The following LRMDA variants were observed in gnomAD, a reference collection of about 807,000 sequenced individuals.
LRMDA encodes leucine rich melanocyte differentiation associated.
In LRMDA, 18 loss-of-function variants were observed where a neutral mutation model predicts 29.8. The observed-to-expected ratio is 0.60, with a 90% CI of 0.42 to 0.90. LRMDA has a LOEUF of 0.90. Among genes scored for constraint, LRMDA ranks in the 40% least tolerant of loss-of-function variants. The pLI is 0.00. For synonymous variants in LRMDA, 125 were observed against 109.4 expected (o/e 1.14, Z -0.89); for missense variants, 273 against 273.9 (o/e 1.00, Z 0.02).
At position 75,637,129 on chromosome 10, in the gene LRMDA, T is replaced by G. The variant is rs140232108; in HGVS notation, c.131+198635T>G. ...GTGGAGATTTGAACTTGGGTCTCTCTGACTTTGAAGCTTGTAAGGTTAACT... is the reference window on the plus strand; with the variant it reads ...GTGGAGATTTGAACTTGGGTCTCTCGGACTTTGAAGCTTGTAAGGTTAACT... On this transcript the variant is annotated intron_variant, in intron 2 of 6. Coordinates refer to ENST00000611255, the MANE Select transcript of LRMDA (RefSeq NM_001305581.2). Among the ~76,000 whole-genome samples the G allele has an allele frequency of 1.4e-4, 21 of 152,346 alleles. 1 individual carries two copies. The highest frequency in any genetic ancestry group is 5.1e-4 in the African/African-American group (21 of 41,584).
intron 2 of LRMDA, among the ~76,000 whole-genome samples, chr10:75,928,892 C>G (rs561993067): frequency 6.6e-6 from 1 of 152,288 alleles, no homozygotes; most frequent in East Asian, 1.9e-4. Context: ...ATACCCACCC[C>G]ACTCAGACAG....
At chr10:75,621,628 G>T (rs1318714284) in intron 2 of LRMDA, among the ~76,000 whole-genome samples, 2 of 152,184 alleles carry the variant, frequency 1.3e-5, no homozygotes, top group East Asian at 1.9e-4. Flanking sequence ...GTGGAAACAG[G>T]TCTGTGGGGA....
In LRMDA at chr10:76,302,048, C is replaced by A. The variant is rs1840488003; in HGVS notation, c.517-22353C>A. ...ATTTTTAGCCCCTCAGTTTTGAGGA[C>A]AGAATCTCTGTGGCGTTGTCTGATG... On this transcript the variant is annotated intron_variant, in intron 5 of 6. Coordinates refer to ENST00000611255, the MANE Select transcript of LRMDA (RefSeq NM_001305581.2). 2.0e-5 allele frequency among the ~76,000 whole-genome samples: 3 copies of A among 152,118 alleles called. No homozygotes were observed. The South Asian group carries it at 6.2e-4, about 31-fold the overall frequency.
chr10:75,604,110 C>A (rs1311744902), intron 2 of LRMDA, among the ~76,000 whole-genome samples: 2 of 152,074 alleles, frequency 1.3e-5, no homozygotes, highest in East Asian at 1.9e-4. Context: ...CCCCAATGTG[C>A]CTTTAATCTT....
chr10:75,523,597 CT>C (rs1330376740), intron 2 of LRMDA, among the ~76,000 whole-genome samples: 1 of 152,108 alleles, frequency 6.6e-6, no homozygotes, highest in Non-Finnish European at 1.5e-5. Context: ...ACAGAAATGG[CT>C]ATTTAATTTA....
At chr10:76,508,411 A>T (rs1322477567) in intron 6 of LRMDA, among the ~76,000 whole-genome samples, 3 of 152,146 alleles carry the variant, frequency 2.0e-5, no homozygotes, top group Non-Finnish European at 4.4e-5. Context: ...ATTTCTCCAA[A>T]TACTGCTGTG....
At chr10:75,806,844 C>T (rs1843863187) in intron 2 of LRMDA, among the ~76,000 whole-genome samples, 1 of 150,900 alleles carries the variant, frequency 6.6e-6, no homozygotes, top group Admixed American at 6.6e-5. Flanking sequence ...ACAAAAAAAC[C>T]TACCTTGGGA....
intron 2 of LRMDA, chr10:75,451,041 G>T (rs1398193513): frequency 1.3e-5 from 2 of 152,202 alleles, no homozygotes; most frequent in African/African-American, 4.8e-5. Flanking sequence ...AGGTGCTTTT[G>T]TTTCAAACTT....
intron 6 of LRMDA, among the ~76,000 whole-genome samples, chr10:76,490,328 G>A (rs1019744096): frequency 6.6e-6 from 1 of 151,738 alleles, no homozygotes; most frequent in African/African-American, 2.4e-5. Context: ...GTGTTTCTTT[G>A]TTATTTTTTT....
At chr10:76,034,591 G>A (rs1848209338) in intron 2 of LRMDA, among the ~76,000 whole-genome samples, 1 of 152,078 alleles carries the variant, frequency 6.6e-6, no homozygotes, top group Non-Finnish European at 1.5e-5. Context: ...TTTATACCTC[G>A]TAAGTATTGA....
At chr10:75,920,419 G>A (rs929143185) in intron 2 of LRMDA, among the ~76,000 whole-genome samples, 3 of 152,176 alleles carry the variant, frequency 2.0e-5, no homozygotes, top group African/African-American at 7.2e-5. Flanking sequence ...AAGGCCAGAT[G>A]TTTCACAAGA....
intron 2 of LRMDA, among the ~76,000 whole-genome samples, chr10:75,962,060 C>T (rs1214935082): frequency 6.6e-6 from 1 of 152,204 alleles, no homozygotes; most frequent in East Asian, 1.9e-4. Flanking sequence ...GATTAGAGGC[C>T]TGCCCTACTC....
chr10:76,452,766 T>G (rs1842419092), intron 6 of LRMDA, among the ~76,000 whole-genome samples: 1 of 152,232 alleles, frequency 6.6e-6, no homozygotes, highest in Non-Finnish European at 1.5e-5. Context: ...AACAGCAAAA[T>G]GTTTATGTAT....
At chr10:76,522,195 A>G (rs1332143514) in intron 6 of LRMDA, among the ~76,000 whole-genome samples, 2 of 152,178 alleles carry the variant, frequency 1.3e-5, no homozygotes, top group Non-Finnish European at 2.9e-5. Flanking sequence ...CCTAGTTCTT[A>G]TCCAATTAAT....
At chr10:75,984,617 C>T (rs1377316447) in intron 2 of LRMDA, among the ~76,000 whole-genome samples, 1 of 152,258 alleles carries the variant, frequency 6.6e-6, no homozygotes, top group Non-Finnish European at 1.5e-5. Flanking sequence ...CAAGGGACCG[C>T]ATCATCCTAC....
At position 76,228,574 on chromosome 10, in the gene LRMDA, A is replaced by T. The variant is rs532983473; in HGVS notation, c.517-95827A>T. ...GATTGGTTGGGGCAAAGATGAAATC[A>T]TAGGGGGTTGAATCGGTCCTCCTAT... is the stretch of plus-strand genomic sequence containing the variant. On this transcript the variant is annotated intron_variant, in intron 5 of 6. Coordinates refer to ENST00000611255, the MANE Select transcript of LRMDA (RefSeq NM_001305581.2). 8.5e-5 allele frequency among the ~76,000 whole-genome samples: 13 copies of T among 152,286 alleles called. No homozygotes were observed. In the East Asian group the frequency reaches 2.5e-3, roughly 29 times the overall value.
At chr10:75,669,427 C>A (rs746523427) in intron 2 of LRMDA, among the ~76,000 whole-genome samples, 1 of 152,192 alleles carries the variant, frequency 6.6e-6, no homozygotes, top group Non-Finnish European at 1.5e-5. Flanking sequence ...GCTGAAAAAA[C>A]CATACATGGC....
intron 2 of LRMDA, among the ~76,000 whole-genome samples, chr10:75,683,543 C>T (rs1156430999): frequency 2.6e-5 from 4 of 152,092 alleles, no homozygotes; most frequent in Non-Finnish European, 5.9e-5. Context: ...TTGCATGCTA[C>T]AGTAATCATA....
chr10:76,105,891 C>T (rs973459428), intron 5 of LRMDA, among the ~76,000 whole-genome samples: 2 of 152,114 alleles, frequency 1.3e-5, no homozygotes, highest in African/African-American at 2.4e-5. Context: ...GGACTACAGG[C>T]GCATGCCACC....
Sources: gnomAD v4.1 joint callset for allele counts (sites outside exome capture counted in the v4.1 genomes callset) on GRCh38, gnomAD v4.1.1 for gene constraint, MANE v1.5 for transcripts, NCBI Gene and HGNC (gene_info 2026-07-23, HGNC 2026-07-21) for gene names.